The following MUC5B variants were observed in gnomAD, a reference collection of about 807,000 sequenced individuals.
MUC5B encodes mucin-5B.
MUC5B carries 116 observed loss-of-function variants against 376.9 expected under a neutral mutation model. The observed-to-expected ratio is 0.31, with a 90% confidence interval of 0.26 to 0.36. The LOEUF is 0.36. Among genes scored for constraint, MUC5B ranks in the 10% least tolerant of loss-of-function variants. The probability of loss-of-function intolerance (pLI) is 1.00; values close to 1 mark genes in which losing one functional copy is unlikely to be tolerated. For synonymous variants in MUC5B, 3,517 were observed against 3,390.9 expected, an observed-to-expected ratio of 1.04 and a Z score of -1.29; for missense variants, 7,165 against 7,769.9, an observed-to-expected ratio of 0.92 and a Z score of 2.93.
In MUC5B at chr11:1,246,201, A is replaced by T. The variant is rs745669695; in HGVS notation, c.9321A>T (p.Thr3107=). The change falls in exon 31 of 49, where the codon ACA becomes ACT. Residue 3107 remains threonine (T), a synonymous_variant. Coordinates refer to ENST00000529681, the MANE Select transcript of MUC5B (RefSeq NM_002458.3). ...CTCCGGAGACCACCCACACCTCCACAGTGCTGACCACGAAGGCCACCACGA... is the reference window on the plus strand; with the variant it reads ...CTCCGGAGACCACCCACACCTCCACTGTGCTGACCACGAAGGCCACCACGA... ...SSTPETTHTS[T]VLTTKATTTR... The T allele has an allele frequency of 5.0e-6, 8 of 1,611,744 alleles. No homozygotes were observed. The Admixed American group carries it at 1.3e-4, about 27-fold the overall frequency.
rs201530874 is a variant in MUC5B at position 1,254,776 on chromosome 11, G to A, written c.15560G>A (p.Arg5187His). 2.0e-3 allele frequency: 3,186 copies of A among 1,612,882 alleles called. 20 individuals are homozygous for A. Among genetic ancestry groups the A allele is most frequent in the Middle Eastern group, 0.014 (87 of 6,060 alleles). Residue 5187 changes from arginine to histidine, a missense_variant, in exon 35 of 49, where the codon CGT becomes CAT. Arg to His is a conservative substitution (Grantham distance 29). Transcript: ENST00000529681. ...LVSVLGTTTM[R>H]VDIPALGVSV... ...TCTGTGCTGGGGACCACCACCATGC[G>A]TGTGGACATTCCTGCCCTGGGCGTG...
Position 1,251,250 on chromosome 11 carries a change from C to T in MUC5B, c.14370C>T (p.Ser4790=). 6.2e-7 allele frequency: 1 copy of T among 1,611,568 alleles called. No individual in the cohort carries two copies. The highest frequency in any genetic ancestry group is 8.5e-7 in the Non-Finnish European group (1 of 1,178,358). ...TSSTPETTHT[S]TVLTTTATMT... ...CTACTCCAGAGACCACCCACACCTC[C>T]ACAGTGCTGACCACCACAGCCACCA... The change falls in exon 31 of 49, where the codon TCC becomes TCT. Residue 4790 remains serine (S), a synonymous_variant. Transcript: ENST00000529681.
At position 1,247,088 on chromosome 11, in the gene MUC5B, C is replaced by A. The variant is rs1472927174; in HGVS notation, c.10208C>A (p.Thr3403Asn). Residue 3403 changes from threonine to asparagine, a missense_variant, in exon 31 of 49, where the codon ACC becomes AAC. By Grantham distance (65) the Thr-to-Asn change is moderately conservative. Transcript: ENST00000529681. ...ACTACGATCACAGCCACCGGCTCCA[C>A]CACCAACCCCTCCTCAACTCCAGGG... ...TATTITATGS[T>N]TNPSSTPGTT... The A allele has an allele frequency of 2.6e-6, 4 of 1,562,780 alleles. No individual in the cohort carries two copies. Among genetic ancestry groups the A allele is most frequent in the Admixed American group, 3.9e-5 (2 of 51,610 alleles).
chr11:1,227,621 T>A lies in MUC5B; in HGVS notation c.668-54T>A. The stretch of plus-strand genomic sequence containing the variant: ...TGGGCTCAGGAAGTGGGAGCCCATA[T>A]CTTGTCCCCAGGAGCCCCTCAGAGC... On this transcript the variant is annotated intron_variant, in intron 6 of 48. Coordinates refer to ENST00000529681, the MANE Select transcript of MUC5B (RefSeq NM_002458.3). 4.3e-6 allele frequency: 3 copies of A among 703,280 alleles called. No individual in the cohort carries two copies. The Admixed American group carries it at 6.1e-5, about 14-fold the overall frequency. The allele number at this position is 703,280 out of a possible 1,614,324, so 43.6% of individuals were successfully genotyped here. A position where few individuals can be genotyped will look rare whatever the true frequency, so the allele number is the denominator to read the frequency against.
At chr11:1,235,855 C>T (rs956196043) in intron 23 of MUC5B, among the ~76,000 whole-genome samples, 10 of 152,002 alleles carry the variant, frequency 6.6e-5, no homozygotes, top group Admixed American at 3.3e-4. Context: ...CACTTAATCC[C>T]GTCTGCAGAG....
rs1863005322 is a variant in MUC5B, at chr11:1,261,867, G to A, written c.*259G>A. 1.5e-6 allele frequency: 1 copy of A among 682,974 alleles called. No homozygotes were observed. Among genetic ancestry groups the A allele is most frequent in the African/African-American group, 1.8e-5 (1 of 56,904 alleles). 42.3% of individuals were successfully genotyped at this position (682,974 alleles called of 1,614,324 possible). A position where few individuals can be genotyped will look rare whatever the true frequency, so the allele number is the denominator to read the frequency against. ...GCCCACCTTGGCCTTGCCCCTCCCTGATGTCACTGGGACGCCCTGGAACAA... is the reference window on the plus strand; with the variant it reads ...GCCCACCTTGGCCTTGCCCCTCCCTAATGTCACTGGGACGCCCTGGAACAA... On this transcript the variant is annotated 3_prime_UTR_variant, in exon 49 of 49. Coordinates refer to ENST00000529681, the MANE Select transcript of MUC5B (RefSeq NM_002458.3).
chr11:1,224,455 G>A (rs1426477395), intron 1 of MUC5B, among the ~76,000 whole-genome samples: 1 of 151,182 alleles, frequency 6.6e-6, no homozygotes, highest in Non-Finnish European at 1.5e-5. Flanking sequence ...CCTGGGCAGG[G>A]GAGGGGCTGC....
Position 1,246,073 on chromosome 11 carries a change from A to G in MUC5B, c.9193A>G (p.Ser3065Gly). ...CACAGCCACCAAATCCACAGCTACC[A>G]GCTTTACACCCATCCCCTCCTTCAC... ...TSTATKSTAT[S>G]FTPIPSFTLG... Residue 3065 changes from serine to glycine, a missense_variant, in exon 31 of 49, where the codon AGC becomes GGC. Ser to Gly is a moderately conservative substitution (Grantham distance 56). Around this residue, in one of 31 missense-constraint regions of MUC5B, gnomAD observed 939 missense variants for 770.6 expected, o/e 1.22. Coordinates refer to ENST00000529681, the MANE Select transcript of MUC5B (RefSeq NM_002458.3). The G allele has an allele frequency of 1.2e-6, 2 of 1,612,944 alleles. No individual in the cohort carries two copies. Among genetic ancestry groups the G allele is most frequent in the African/African-American group, 1.3e-5 (1 of 74,558 alleles).
Position 1,257,424 on chromosome 11 carries a change from C to T in MUC5B, c.16270-106C>T. 7.3e-7 allele frequency: 1 copy of T among 1,378,526 alleles called. No homozygotes were observed. The highest frequency in any genetic ancestry group is 1.0e-6 in the Non-Finnish European group (1 of 992,172). 85.4% of individuals were successfully genotyped at this position (1,378,526 alleles called of 1,614,324 possible). On this transcript the variant is annotated intron_variant, in intron 40 of 48. Transcript: ENST00000529681. The surrounding 1 kb of genome is among the most constrained non-coding windows in gnomAD (Gnocchi z 8.9). ...GGTGTGCGCTTCCTGCCCCATCACT[C>T]TGGGCCACTCGGGTACCAGCCCGAG...
Position 1,250,652 on chromosome 11 carries a change from C to T in MUC5B, c.13772C>T (p.Thr4591Ile). Residue 4591 changes from threonine to isoleucine, a missense_variant, in exon 31 of 49, where the codon ACC becomes ATC. Transcript: ENST00000529681. The part of the protein sequence containing the change: ...PSSTPGTAHT[T>I]KVPTTTTTGF... ...TCCACCCCAGGAACAGCTCACACTA[C>T]CAAAGTGCCGACTACCACAACCACG... The T allele has an allele frequency of 6.2e-7, 1 of 1,612,670 alleles. No individual in the cohort carries two copies. The highest frequency in any genetic ancestry group is 8.5e-7 in the Non-Finnish European group (1 of 1,179,032).
intron 3 of MUC5B, 122 bp downstream of exon 3, chr11:1,226,398 C>A: frequency 7.4e-7 from 1 of 1,356,080 alleles, no homozygotes. Context: ...CAGAGTCCTC[C>A]GTGTGGGCGG....
chr11:1,241,397 G>C lies in MUC5B; in HGVS notation c.4517G>C (p.Arg1506Pro), dbSNP rs368365490. ...CCAGGTACCACCACCTGCCAGCCCC[G>C]GTGTCAGTGGACAGAGTGGTTTGAT... is the stretch of plus-strand genomic sequence containing the variant. ...SAPGTTTCQPRCQWTEWFDED... is the reference protein window; with the variant it reads ...SAPGTTTCQPPCQWTEWFDED... Residue 1506 changes from arginine to proline, a missense_variant, in exon 31 of 49, where the codon CGG becomes CCG. Transcript: ENST00000529681. 1 of 1,613,578 alleles carries C rather than the reference G, an allele frequency of 6.2e-7. No homozygotes were observed. Among genetic ancestry groups the C allele is most frequent in the Non-Finnish European group, 8.5e-7 (1 of 1,179,626 alleles).
intron 26 of MUC5B, 140 bp from the exon 27 acceptor site, chr11:1,239,298 G>A (rs1031281257): frequency 1.5e-5 from 17 of 1,169,216 alleles, no homozygotes; most frequent in African/African-American, 9.2e-5. Flanking sequence ...GGCACCACCC[G>A]GCCGAGGCCC....
rs1862290810 is a variant in MUC5B at position 1,241,794 on chromosome 11, G to A, written c.4914G>A (p.Gly1638=). ...FSTPQPTSSP[G]LTRAPPASTT... is the part of the protein sequence containing the mutation. ...CGCCGCAGCCTACGAGTAGCCCGGG[G>A]CTGACCAGGGCTCCCCCGGCCAGCA... The change falls in exon 31 of 49, where the codon GGG becomes GGA. Residue 1638 remains glycine, a synonymous_variant. Coordinates refer to ENST00000529681, the MANE Select transcript of MUC5B (RefSeq NM_002458.3). The A allele has an allele frequency of 1.9e-6, 3 of 1,612,178 alleles. No homozygotes were observed. Among genetic ancestry groups the A allele is most frequent in the Non-Finnish European group, 2.5e-6 (3 of 1,179,252 alleles).
rs1370863440 is a variant in MUC5B at position 1,253,025 on chromosome 11, G to A, written c.15217+45G>A. 2 of 1,609,236 alleles carry A rather than the reference G, an allele frequency of 1.2e-6. No homozygotes were observed. Among genetic ancestry groups the A allele is most frequent in the Admixed American group, 1.7e-5 (1 of 59,908 alleles). On this transcript the variant is annotated intron_variant, in intron 33 of 48. Transcript: ENST00000529681. This position sits in a 1 kb window ranked among gnomAD's most constrained non-coding sequence, Gnocchi z 4.3. ...CGGGATTACCCCGGGGGCAGGTGGA[G>A]CAGAGTGCACCGTCGGCTAGGCTGG...
At position 1,241,212 on chromosome 11, in the gene MUC5B, C is replaced by T. The variant is rs779748336; in HGVS notation, c.4332C>T (p.Pro1444=). The change falls in exon 31 of 49, where the codon CCC becomes CCT. Residue 1444 remains proline (P), a synonymous_variant. Transcript: ENST00000529681. ...PSPAPGTSPQ[P]SLSASTEPAV... is the part of the protein sequence containing the mutation. ...CGGCCCCAGGCACCAGCCCTCAGCC[C>T]TCCCTCAGTGCCAGCACGGAGCCTG... 11 of 1,593,514 alleles carry T rather than the reference C, an allele frequency of 6.9e-6. No individual in the cohort carries two copies. The South Asian group carries it at 1.2e-4, about 18-fold the overall frequency.
Position 1,249,224 on chromosome 11 carries a change from C to T in MUC5B, c.12344C>T (p.Pro4115Leu). The stretch of plus-strand genomic sequence containing the variant: ...ACCTCGACCCTGCTGCCCAGCAGCC[C>T]CACATCGGCCCCCATAACCACGGTG... ...TRTSTLLPSS[P>L]TSAPITTVVT... Residue 4115 changes from proline to leucine, a missense_variant, in exon 31 of 49, where the codon CCC becomes CTC. Around this residue, in one of 31 missense-constraint regions of MUC5B, gnomAD observed 47 missense variants for 88.4 expected, o/e 0.53. Transcript: ENST00000529681. 2.5e-6 allele frequency: 4 copies of T among 1,611,516 alleles called. No individual in the cohort carries two copies. The highest frequency in any genetic ancestry group is 3.4e-6 in the Non-Finnish European group (4 of 1,179,576).
In MUC5B at chr11:1,247,566, C is replaced by G. The variant is rs771627704; in HGVS notation, c.10686C>G (p.Pro3562=). The G allele has an allele frequency of 6.2e-7, 1 of 1,610,896 alleles. No individual in the cohort carries two copies. Among genetic ancestry groups the G allele is most frequent in the African/African-American group, 1.3e-5 (1 of 74,782 alleles). Reference sequence around the variant, plus strand: ...TGCCCAGCAGCCCCACATCGGCCCCCATAACCACGGTGGTGACCACGGGCT... The same window carrying G: ...TGCCCAGCAGCCCCACATCGGCCCCGATAACCACGGTGGTGACCACGGGCT... ...TLLPSSPTSA[P]ITTVVTTGCE... Residue 3562 remains proline, a synonymous_variant, in exon 31 of 49, where the codon CCC becomes CCG. Coordinates refer to ENST00000529681, the MANE Select transcript of MUC5B (RefSeq NM_002458.3).
At chr11:1,228,532 G>A (rs1462367891) in intron 7 of MUC5B, 32 bp from the exon 8 acceptor site, 4 of 1,487,358 alleles carry the variant, frequency 2.7e-6, no homozygotes, top group Non-Finnish European at 3.6e-6. Context: ...TGGATGGCAG[G>A]GGTGCCCAGC....
Sources: allele counts gnomAD v4.1 joint callset (sites outside exome capture counted in the v4.1 genomes callset), GRCh38; gene constraint gnomAD v4.1.1; regional missense constraint gnomAD v4.1.1; non-coding constraint Gnocchi (gnomAD v3.1); transcripts MANE v1.5; gene names NCBI Gene and HGNC (gene_info 2026-07-23, HGNC 2026-07-21).